The following MRPL30 variants were observed in gnomAD, a reference collection of about 807,000 sequenced individuals.
MRPL30 encodes the protein mitochondrial ribosomal protein L30.
Under a neutral mutation model 17.2 loss-of-function variants are expected in MRPL30, and 10 were observed. The ratio of observed to expected loss-of-function variants is 0.58; its 90% confidence interval spans 0.36 to 0.99. MRPL30 has a LOEUF of 0.99. Among genes scored for constraint, MRPL30 ranks in the 50% least tolerant of loss-of-function variants. MRPL30 has a pLI of 0.01. For synonymous variants in MRPL30, 61 were observed against 62.1 expected (o/e 0.98, Z 0.08); for missense variants, 170 against 189.8 (o/e 0.90, Z 0.61).
At chr2:99,186,689 A>G (rs1435509789) in intron 2 of MRPL30, among the ~76,000 whole-genome samples, 1 of 152,286 alleles carries the variant, frequency 6.6e-6, no homozygotes, top group South Asian at 2.1e-4. Flanking sequence ...ATCCCTAAAG[A>G]TCTAGAATCA....
rs1574848609 is a variant in MRPL30 at position 99,196,939 on chromosome 2, A to T, written c.*1234A>T. The T allele has an allele frequency of 6.6e-6, 1 of 152,140 alleles. No individual in the cohort carries two copies. Among genetic ancestry groups the T allele is most frequent in the South Asian group, 2.1e-4 (1 of 4,830 alleles). The allele number at this position is 152,140 out of a possible 1,614,324, so 9.4% of individuals were successfully genotyped here. A position where few individuals can be genotyped will look rare whatever the true frequency, so the allele number is the denominator to read the frequency against. ...ATTGCACACTGCCTGAACAAAACCT[A>T]TTTGTCTCTATGTAAATTTTTTCCT... On this transcript the variant is annotated 3_prime_UTR_variant, in exon 6 of 6. Transcript: ENST00000338148.
At position 99,199,365 on chromosome 2, in the gene MRPL30, A is replaced by C. The variant is rs937107093; in HGVS notation, c.*3660A>C. On this transcript the variant is annotated 3_prime_UTR_variant, in exon 6 of 6. Transcript: ENST00000338148. ...TTAATTAATAAGGAATCCTTGGAAC[A>C]CTGGAAATTCTAAAATAAGAGTCAG... Among the ~76,000 whole-genome samples the C allele has an allele frequency of 6.6e-6, 1 of 152,208 alleles. No individual in the cohort carries two copies. The highest frequency in any genetic ancestry group is 1.5e-5 in the Non-Finnish European group (1 of 68,032).
chr2:99,184,127 CT>C (rs1298636672), intron 1 of MRPL30, among the ~76,000 whole-genome samples: 1 of 152,100 alleles, frequency 6.6e-6, no homozygotes, highest in Non-Finnish European at 1.5e-5. Context: ...GCCAGTAATA[CT>C]TTGTTACTTA....
At chr2:99,181,493 T>G (rs779858074) in intron 1 of MRPL30, among the ~76,000 whole-genome samples, 1 of 151,966 alleles carries the variant, frequency 6.6e-6, no homozygotes, top group Non-Finnish European at 1.5e-5. Context: ...CTCTTGGAGC[T>G]CAAGAACGGA....
intron 2 of MRPL30, 55 bp downstream of exon 2, chr2:99,186,309 T>TA: frequency 6.7e-7 from 1 of 1,497,786 alleles, no homozygotes. Flanking sequence ...ATTTTTTTTT[T>TA]AATCATTACA....
At position 99,199,460 on chromosome 2, in the gene MRPL30, ATGTCT is replaced by A. The variant is rs1402418180; in HGVS notation, c.*3757_*3761del. 6.6e-6 allele frequency among the ~76,000 whole-genome samples: 1 copy of A among 152,188 alleles called. No homozygotes were observed. Among genetic ancestry groups the A allele is most frequent in the Non-Finnish European group, 1.5e-5 (1 of 68,038 alleles). ...ATGGCAATCAATGAACAAACTGAAA[ATGTCT>A]TTGGATATTATTTCTGTTTATTTTT... On this transcript the variant is annotated 3_prime_UTR_variant, in exon 6 of 6. Transcript: ENST00000338148.
intron 5 of MRPL30, 102 bp from the exon 6 acceptor site, chr2:99,195,471 G>A: frequency 7.6e-7 from 1 of 1,319,550 alleles, no homozygotes; most frequent in Non-Finnish European, 1.0e-6. Flanking sequence ...CCTCCTCCTA[G>A]CTATTTGAAA....
chr2:99,198,833 A>T lies in MRPL30; in HGVS notation c.*3128A>T, dbSNP rs2093959087. Reference sequence around the variant, plus strand: ...AGGTTTTGCCTGACATCTGGTGGTGACCGTGGCCACCAAGTCAACCCAAAC... The same window carrying T: ...AGGTTTTGCCTGACATCTGGTGGTGTCCGTGGCCACCAAGTCAACCCAAAC... On this transcript the variant is annotated 3_prime_UTR_variant, in exon 6 of 6. Coordinates refer to ENST00000338148, the MANE Select transcript of MRPL30 (RefSeq NM_145212.4). 6.6e-6 allele frequency among the ~76,000 whole-genome samples: 1 copy of T among 152,138 alleles called. No individual in the cohort carries two copies. Among genetic ancestry groups the T allele is most frequent in the Admixed American group, 6.5e-5 (1 of 15,278 alleles).
intron 3 of MRPL30, among the ~76,000 whole-genome samples, chr2:99,191,739 A>G (rs1358746440): frequency 2.0e-5 from 3 of 152,218 alleles, no homozygotes; most frequent in African/African-American, 7.2e-5. Context: ...CAAATCTCAT[A>G]GAAACATGGT....
chr2:99,188,688 C>T (rs1574844969), intron 3 of MRPL30, among the ~76,000 whole-genome samples: 2 of 152,042 alleles, frequency 1.3e-5, no homozygotes, highest in South Asian at 4.2e-4. Context: ...TTGACTAAGC[C>T]CGCCATTGAT....
intron 1 of MRPL30, among the ~76,000 whole-genome samples, chr2:99,184,771 G>A (rs967636434): frequency 6.6e-5 from 10 of 152,194 alleles, no homozygotes; most frequent in Non-Finnish European, 1.5e-4. Flanking sequence ...GCATTAGATA[G>A]GTTCAGTTGC....
At chr2:99,182,806 A>G (rs570080281) in intron 1 of MRPL30, among the ~76,000 whole-genome samples, 1 of 152,364 alleles carries the variant, frequency 6.6e-6, no homozygotes, top group South Asian at 2.1e-4. Flanking sequence ...CTTTACACAG[A>G]TGTTTGGGAT....
At chr2:99,182,369 C>T (rs567852967) in intron 1 of MRPL30, among the ~76,000 whole-genome samples, 86 of 152,274 alleles carry the variant, frequency 5.6e-4, no homozygotes, top group Non-Finnish European at 1.0e-3. Flanking sequence ...TCCTGGCTAA[C>T]ACGGTGAAAC....
At chr2:99,192,621 T>C (rs2093948656) in intron 3 of MRPL30, among the ~76,000 whole-genome samples, 1 of 152,222 alleles carries the variant, frequency 6.6e-6, no homozygotes, top group East Asian at 1.9e-4. Flanking sequence ...ACATTTTCTT[T>C]ATCCAGTCTA....
intron 1 of MRPL30, among the ~76,000 whole-genome samples, chr2:99,183,086 G>A (rs2093928289): frequency 6.6e-6 from 1 of 152,280 alleles, no homozygotes; most frequent in East Asian, 1.9e-4. Context: ...AAGGAAATTA[G>A]CCATGTAAAT....
intron 1 of MRPL30, among the ~76,000 whole-genome samples, chr2:99,183,074 A>G (rs1193495426): frequency 6.6e-6 from 1 of 152,202 alleles, no homozygotes; most frequent in Non-Finnish European, 1.5e-5. Flanking sequence ...ATTGAAAAAG[A>G]TAAGGAAATT....
At chr2:99,191,100 G>A (rs930861954) in intron 3 of MRPL30, among the ~76,000 whole-genome samples, 23 of 151,144 alleles carry the variant, frequency 1.5e-4, no homozygotes, top group African/African-American at 5.4e-4. Flanking sequence ...TCCATCTCCC[G>A]GGTTCAAGCA....
chr2:99,198,685 T>G lies in MRPL30; in HGVS notation c.*2980T>G, dbSNP rs2093958897. 6.6e-6 allele frequency among the ~76,000 whole-genome samples: 1 copy of G among 152,196 alleles called. No homozygotes were observed. The highest frequency in any genetic ancestry group is 2.4e-5 in the African/African-American group (1 of 41,452). ...TAGTGGCTGTATAGTTTAGAAGGTT[T>G]CTTCAGATTGGCATTCCTTTGCCTC... On this transcript the variant is annotated 3_prime_UTR_variant, in exon 6 of 6. Transcript: ENST00000338148.
chr2:99,195,545 T>C (rs746021335), intron 5 of MRPL30, 28 bp from the exon 6 acceptor site: 1 of 1,586,438 alleles, frequency 6.3e-7, no homozygotes, highest in African/African-American at 1.4e-5. Flanking sequence ...GTATTCCTCC[T>C]ATCTAAACGC....
Sources: gnomAD v4.1 joint callset for allele counts (sites outside exome capture counted in the v4.1 genomes callset) on GRCh38, gnomAD v4.1.1 for gene constraint, MANE v1.5 for transcripts, NCBI Gene and HGNC (gene_info 2026-07-23, HGNC 2026-07-21) for gene names.